The following SSC5D variants were observed in gnomAD, a reference collection of about 807,000 sequenced individuals.
The protein encoded by SSC5D is soluble scavenger receptor cysteine-rich domain-containing protein SSC5D.
Under a neutral mutation model 104.6 loss-of-function variants are expected in SSC5D, and 106 were observed. The observed-to-expected ratio is 1.01, with a 90% confidence interval of 0.87 to 1.19. The LOEUF is 1.19. SSC5D is among the 50% of genes most tolerant of loss of function. The pLI is 0.00. For synonymous variants in SSC5D, 860 were observed against 883.5 expected, an observed-to-expected ratio of 0.97 and a Z score of 0.47; for missense variants, 1,993 against 2,153.8, an observed-to-expected ratio of 0.93 and a Z score of 1.48.
Position 55,503,971 on chromosome 19 carries a change from A to T in SSC5D, c.2785+2770A>T. 1 of 761,236 alleles carries T rather than the reference A, an allele frequency of 1.3e-6. No individual in the cohort carries two copies. The highest frequency in any genetic ancestry group is 2.0e-6 in the Non-Finnish European group (1 of 495,282). 47.2% of individuals were successfully genotyped at this position (761,236 alleles called of 1,614,324 possible). On this transcript the variant is annotated intron_variant, in intron 12 of 13. Transcript: ENST00000389623. This position sits in a 1 kb window ranked among gnomAD's most constrained non-coding sequence, Gnocchi z 4.0. The stretch of plus-strand genomic sequence containing the variant: ...GGCCAGCCGGCGCATCGCCCGCAGT[A>T]ATAATAGCTGGGCGAAGGGCAACCA...
At chr19:55,494,966 A>G (rs997837475) in intron 8 of SSC5D, among the ~76,000 whole-genome samples, 183 bp downstream of exon 8, 1 of 151,868 alleles carries the variant, frequency 6.6e-6, no homozygotes, top group Admixed American at 6.6e-5. Flanking sequence ...AGCGTGTGAT[A>G]ATTCTTGAAC....
intron 13 of SSC5D, among the ~76,000 whole-genome samples, chr19:55,515,118 G>A (rs1483969290): frequency 6.6e-6 from 1 of 152,196 alleles, no homozygotes; most frequent in East Asian, 1.9e-4. Context: ...AGAGCACCGG[G>A]CATGGTGGCT....
intron 9 of SSC5D, 116 bp downstream of exon 9, chr19:55,498,313 G>C: frequency 2.8e-6 from 3 of 1,086,228 alleles, no homozygotes; most frequent in Non-Finnish European, 2.7e-6. Flanking sequence ...TGTGCTGGGT[G>C]TTTTTGCACA....
chr19:55,492,569 CCT>C (rs1057287526), intron 6 of SSC5D: 17 of 152,202 alleles, frequency 1.1e-4, no homozygotes, highest in Admixed American at 6.5e-4. Flanking sequence ...GCTCCCCTCC[CCT>C]GTCTGCAGAT....
At chr19:55,489,078 C>T (rs1215137785) in intron 2 of SSC5D, 46 bp downstream of exon 2, 2 of 977,620 alleles carry the variant, frequency 2.0e-6, no homozygotes, top group Non-Finnish European at 2.8e-6. Context: ...CCCCCCAGGC[C>T]TCCCCCTTCT....
Position 55,504,195 on chromosome 19 carries a change from G to A in SSC5D, c.2785+2994G>A, listed in dbSNP as rs115854795. ...TTGCAGCGCCTCCCTAGCCCATAGC[G>A]CCCCCTCGTGGTGGAGGCGGGCACG... is the stretch of plus-strand genomic sequence containing the variant. On this transcript the variant is annotated intron_variant, in intron 12 of 13. Transcript: ENST00000389623. 3.1e-3 allele frequency: 4,692 copies of A among 1,533,156 alleles called. 128 individuals are homozygous for A. In the African/African-American group the frequency reaches 0.053, roughly 17 times the overall value. 95.0% of individuals were successfully genotyped at this position (1,533,156 alleles called of 1,614,324 possible).
In SSC5D at chr19:55,498,041, G is replaced by C. The variant is rs890127564; in HGVS notation, c.1549G>C (p.Asp517His). Residue 517 changes from aspartate (D) to histidine (H), a missense_variant, in exon 9 of 14, where the codon GAC becomes CAC. This residue lies in a region of SSC5D where 1,101 missense variants were observed against 1,085.0 expected (regional missense o/e 1.01). Transcript: ENST00000389623. Reference protein sequence around the residue: ...ELGCGGPQQPDPAAGRFGWGA... With the variant: ...ELGCGGPQQPHPAAGRFGWGA... ...GGGCTGTGGTGGACCTCAGCAGCCA[G>C]ACCCTGCTGCTGGCCGCTTTGGCTG... 1 of 1,551,650 alleles carries C rather than the reference G, an allele frequency of 6.4e-7. No homozygotes were observed. Among genetic ancestry groups the C allele is most frequent in the East Asian group, 2.4e-5 (1 of 40,924 alleles).
Position 55,517,338 on chromosome 19 carries a change from C to T in SSC5D, c.3062C>T (p.Ala1021Val). The T allele has an allele frequency of 1.3e-6, 2 of 1,550,270 alleles. No homozygotes were observed. The highest frequency in any genetic ancestry group is 2.4e-5 in the South Asian group (2 of 84,058). ...PSASPGPPGP[A>V]LTSDSSRELT... Reference sequence around the variant, plus strand: ...GCCTCTCCGGGACCCCCAGGCCCAGCGCTGACCTCTGACTCCAGTCGAGAG... The same window carrying T: ...GCCTCTCCGGGACCCCCAGGCCCAGTGCTGACCTCTGACTCCAGTCGAGAG... Residue 1021 changes from alanine to valine, a missense_variant, in exon 14 of 14, where the codon GCG (alanine) becomes GTG (valine). Around this residue, in one of 6 missense-constraint regions of SSC5D, gnomAD observed 423 missense variants for 409.2 expected, o/e 1.03. Transcript: ENST00000389623.
At position 55,507,438 on chromosome 19, in the gene SSC5D, G is replaced by A. The variant is rs547432412; in HGVS notation, c.2786-5573G>A. Among the ~76,000 whole-genome samples, 418 of 142,338 alleles carry A rather than the reference G, an allele frequency of 2.9e-3. 2 individuals are homozygous for A. Among genetic ancestry groups the A allele is most frequent in the African/African-American group, 0.012 (404 of 32,808 alleles). 93.4% of individuals were successfully genotyped at this position (142,338 alleles called of 152,430 possible). On this transcript the variant is annotated intron_variant, in intron 12 of 13. Transcript: ENST00000389623. ...CCAGCACTTTGGCAGGCTGAGGCAG[G>A]TGGATCACCTGAGGTCAGGAGTTCC...
In SSC5D at chr19:55,500,672, C is replaced by T. The variant is rs538234433; in HGVS notation, c.2485C>T (p.Pro829Ser). The T allele has an allele frequency of 5.4e-5, 84 of 1,551,718 alleles. No homozygotes were observed. The African/African-American group carries it at 1.1e-3, about 20-fold the overall frequency. Reference sequence around the variant, plus strand: ...TCGAGTAGGCAAAACCCATTACGGCCCTGGGACTGGGCCCATCTGGCTGGA... The same window carrying T: ...TCGAGTAGGCAAAACCCATTACGGCTCTGGGACTGGGCCCATCTGGCTGGA... ...RPRVGKTHYG[P>S]GTGPIWLDDM... The change falls in exon 11 of 14, where the codon CCT becomes TCT. Residue 829 changes from proline to serine, a missense_variant. Coordinates refer to ENST00000389623, the MANE Select transcript of SSC5D (RefSeq NM_001144950.2). The surrounding 1 kb of genome is among the most constrained non-coding windows in gnomAD (Gnocchi z 4.6).
chr19:55,513,728 G>A (rs1987808345), intron 13 of SSC5D, among the ~76,000 whole-genome samples: 1 of 152,212 alleles, frequency 6.6e-6, no homozygotes, highest in Non-Finnish European at 1.5e-5. Context: ...GATCGGTAGA[G>A]GCCGGGGTGG....
At chr19:55,514,937 T>C (rs1409616013) in intron 13 of SSC5D, among the ~76,000 whole-genome samples, 1 of 152,188 alleles carries the variant, frequency 6.6e-6, no homozygotes, top group Non-Finnish European at 1.5e-5. Flanking sequence ...TAGGAAGCCA[T>C]GCAGCTGGGG....
intron 8 of SSC5D, among the ~76,000 whole-genome samples, chr19:55,497,597 A>C (rs1052412006): frequency 6.6e-6 from 1 of 152,164 alleles, no homozygotes; most frequent in Admixed American, 6.5e-5. Flanking sequence ...TATTCTGGGT[A>C]TATCCCTAGT....
At chr19:55,504,067 G>A (rs1010163423) in intron 12 of SSC5D, 16 of 1,516,962 alleles carry the variant, frequency 1.1e-5, no homozygotes, top group Admixed American at 4.0e-5. Flanking sequence ...CCGTGACTTG[G>A]GGGTGGGTGG....
chr19:55,507,040 A>G (rs1053126269), intron 12 of SSC5D, among the ~76,000 whole-genome samples: 1 of 151,816 alleles, frequency 6.6e-6, no homozygotes, highest in African/African-American at 2.4e-5. Context: ...GTGGCGGTGC[A>G]TGCCTATAAT....
In SSC5D at chr19:55,489,632, C is replaced by T. The variant is rs1422095494; in HGVS notation, c.331C>T (p.His111Tyr). 2.6e-6 allele frequency: 4 copies of T among 1,533,218 alleles called. No individual in the cohort carries two copies. Among genetic ancestry groups the T allele is most frequent in the Non-Finnish European group, 3.5e-6 (4 of 1,145,378 alleles). 95.0% of individuals were successfully genotyped at this position (1,533,218 alleles called of 1,614,324 possible). A position where few individuals can be genotyped will look rare whatever the true frequency, so the allele number is the denominator to read the frequency against. The change falls in exon 3 of 14, where the codon CAC (histidine) becomes TAC (tyrosine). Residue 111 changes from histidine to tyrosine, a missense_variant. Coordinates refer to ENST00000389623, the MANE Select transcript of SSC5D (RefSeq NM_001144950.2). Reference protein sequence around the residue: ...HRGWKAHICSHEEDAGVVCAG... With the variant: ...HRGWKAHICSYEEDAGVVCAG... ...GGGCTGGAAGGCCCACATCTGCTCC[C>T]ACGAGGAGGACGCGGGCGTCGTCTG...
chr19:55,507,414 CA>C (rs1304183647), intron 12 of SSC5D, among the ~76,000 whole-genome samples: 2 of 150,030 alleles, frequency 1.3e-5, no homozygotes, highest in Admixed American at 1.3e-4. Flanking sequence ...ACTCTAGTCC[CA>C]GCACTTTGGC....
intron 8 of SSC5D, among the ~76,000 whole-genome samples, chr19:55,496,352 A>G (rs1987324177): frequency 6.6e-6 from 1 of 152,246 alleles, no homozygotes; most frequent in Non-Finnish European, 1.5e-5. Flanking sequence ...ATGTCAAAGC[A>G]TCAGAAATAC....
Position 55,518,644 on chromosome 19 carries a change from C to T in SSC5D, c.4368C>T (p.Pro1456=). 2.0e-6 allele frequency: 3 copies of T among 1,535,702 alleles called. No homozygotes were observed. Among genetic ancestry groups the T allele is most frequent in the South Asian group, 1.2e-5 (1 of 81,518 alleles). The change falls in exon 14 of 14, where the codon CCC becomes CCT. Residue 1456 remains proline (P), a synonymous_variant. Transcript: ENST00000389623. ...AHPLDHPPLD[P]LTLGPTPGQS... is the part of the protein sequence containing the mutation. ...CCTTGGATCATCCTCCCCTTGACCC[C>T]CTCACCCTAGGGCCAACTCCTGGTC... is the stretch of plus-strand genomic sequence containing the variant.
Sources: gnomAD v4.1 joint callset for allele counts (sites outside exome capture counted in the v4.1 genomes callset) on GRCh38, gnomAD v4.1.1 for gene constraint, gnomAD v4.1.1 regional missense constraint, Gnocchi (gnomAD v3.1) non-coding constraint, MANE v1.5 for transcripts, NCBI Gene and HGNC (gene_info 2026-07-23, HGNC 2026-07-21) for gene names.